The following HPSE2 variants were observed in gnomAD, a reference collection of about 807,000 sequenced individuals.
HPSE2 encodes inactive heparanase-2.
HPSE2 carries 38 observed loss-of-function variants against 60.5 expected under a neutral mutation model. The observed-to-expected ratio is 0.63, with a 90% CI of 0.48 to 0.82. The LOEUF is 0.82. Among genes scored for constraint, HPSE2 ranks in the 40% least tolerant of loss-of-function variants. The pLI is 0.00. For missense variants in HPSE2, 713 were observed against 740.4 expected, an observed-to-expected ratio of 0.96 and a Z score of 0.43; for synonymous variants, 295 against 293.2, an observed-to-expected ratio of 1.01 and a Z score of -0.06.
chr10:98,510,263 C>T (rs1942345588), intron 9 of HPSE2, among the ~76,000 whole-genome samples: 1 of 152,168 alleles, frequency 6.6e-6, no homozygotes, highest in African/African-American at 2.4e-5. Context: ...TTCAGAAGGC[C>T]AAGCCCCAGC....
intron 9 of HPSE2, among the ~76,000 whole-genome samples, chr10:98,600,509 G>A (rs1945366217): frequency 6.6e-6 from 1 of 151,986 alleles, no homozygotes; most frequent in African/African-American, 2.4e-5. Context: ...AGTACCTACT[G>A]TGTCTGAGGA....
intron 3 of HPSE2, among the ~76,000 whole-genome samples, chr10:98,807,412 C>T (rs1237317497): frequency 1.3e-5 from 2 of 152,200 alleles, no homozygotes; most frequent in Non-Finnish European, 2.9e-5. Flanking sequence ...CTTTAATTTT[C>T]ATCCAAATTG....
At chr10:98,737,087 C>T (rs1251118974) in intron 4 of HPSE2, among the ~76,000 whole-genome samples, 2 of 151,880 alleles carry the variant, frequency 1.3e-5, no homozygotes, top group African/African-American at 4.8e-5. Flanking sequence ...CCTCTTTTCC[C>T]CTCCTCTCCT....
At position 98,892,087 on chromosome 10, in the gene HPSE2, T is replaced by G. The variant is rs1953351356; in HGVS notation, c.611-148031A>C. 2.0e-5 allele frequency among the ~76,000 whole-genome samples: 3 copies of G among 152,136 alleles called. No homozygotes were observed. In the South Asian group the frequency reaches 6.2e-4, roughly 32 times the overall value. On this transcript the variant is annotated intron_variant, in intron 3 of 11. Transcript: ENST00000370552. ...TGCCTGGCCAGTTACATTCTTAAAC[T>G]GAGAGTATGGGGACATTATGTATAC...
chr10:98,715,285 A>C (rs10883174), intron 5 of HPSE2, among the ~76,000 whole-genome samples: 28,031 of 151,908 alleles, frequency 0.18, 3,002 homozygotes, highest in East Asian at 0.38. Context: ...AATTTCAGCA[A>C]GAATATATTT....
chr10:98,832,400 C>T (rs953653570), intron 3 of HPSE2, among the ~76,000 whole-genome samples: 1 of 152,102 alleles, frequency 6.6e-6, no homozygotes, highest in Non-Finnish European at 1.5e-5. Context: ...CGCTTGGGGT[C>T]TGGTTTCAAT....
chr10:98,671,470 G>A (rs938604428), intron 6 of HPSE2, among the ~76,000 whole-genome samples: 2 of 152,120 alleles, frequency 1.3e-5, no homozygotes, highest in Admixed American at 1.3e-4. Flanking sequence ...CTATAAAGGA[G>A]GATAATCTAA....
At chr10:98,985,456 C>A (rs894822098) in intron 3 of HPSE2, among the ~76,000 whole-genome samples, 1 of 152,134 alleles carries the variant, frequency 6.6e-6, no homozygotes, top group Non-Finnish European at 1.5e-5. Context: ...GATTTTGTCA[C>A]CACCAGGCCT....
chr10:98,965,035 AT>A (rs1465828033), intron 3 of HPSE2, among the ~76,000 whole-genome samples: 3 of 152,116 alleles, frequency 2.0e-5, no homozygotes, highest in African/African-American at 7.2e-5. Flanking sequence ...TTATTATCTC[AT>A]GCAGAGACTA....
chr10:98,541,576 G>C (rs1943461248), intron 9 of HPSE2, among the ~76,000 whole-genome samples: 1 of 152,192 alleles, frequency 6.6e-6, no homozygotes, highest in South Asian at 2.1e-4. Context: ...AAGGAAAGGG[G>C]TGACAGACGG....
intron 7 of HPSE2, among the ~76,000 whole-genome samples, chr10:98,626,950 T>C (rs1201220491): frequency 6.6e-6 from 1 of 152,076 alleles, no homozygotes; most frequent in Non-Finnish European, 1.5e-5. Flanking sequence ...ATTTTTTGTA[T>C]TTTTAGTAGA....
At position 98,643,277 on chromosome 10, in the gene HPSE2, C is replaced by T. The variant is rs549434129; in HGVS notation, c.1005-1337G>A. Among the ~76,000 whole-genome samples the T allele has an allele frequency of 2.2e-4, 34 of 152,312 alleles. 1 individual carries two copies. The South Asian group carries it at 7.0e-3, about 32-fold the overall frequency. On this transcript the variant is annotated intron_variant, in intron 6 of 11. Coordinates refer to ENST00000370552, the MANE Select transcript of HPSE2 (RefSeq NM_021828.5). ...TCTTAAATGGGGGATAATATATCTT[C>T]TCCTCAGGCTTGAGAATTAATGAGC...
intron 6 of HPSE2, among the ~76,000 whole-genome samples, chr10:98,656,746 A>C (rs1288711909): frequency 6.6e-6 from 1 of 151,574 alleles, no homozygotes. Context: ...ACAAGAGAAT[A>C]GAATCAGCTG....
intron 7 of HPSE2, among the ~76,000 whole-genome samples, chr10:98,620,973 A>ACTCTAGGAT (rs1946058888): frequency 6.6e-6 from 1 of 152,176 alleles, no homozygotes; most frequent in Non-Finnish European, 1.5e-5. Context: ...ACAAGTGCAT[A>ACTCTAGGAT]CTCTAGGATG....
At chr10:99,156,505 G>T (rs1477136041) in intron 2 of HPSE2, among the ~76,000 whole-genome samples, 2 of 130,706 alleles carry the variant, frequency 1.5e-5, no homozygotes, top group Non-Finnish European at 3.4e-5. Context: ...AAAACCACAT[G>T]ATTATCTCAA....
chr10:98,974,108 T>A (rs555448995), intron 3 of HPSE2, among the ~76,000 whole-genome samples: 2 of 151,782 alleles, frequency 1.3e-5, no homozygotes, highest in Admixed American at 1.3e-4. Flanking sequence ...CTGGCCAACA[T>A]GGAAAAACCC....
intron 4 of HPSE2, among the ~76,000 whole-genome samples, chr10:98,731,011 G>T (rs1949213673): frequency 6.6e-6 from 1 of 152,212 alleles, no homozygotes; most frequent in African/African-American, 2.4e-5. Flanking sequence ...GAGGCTGGGT[G>T]CAGTGGCTCA....
At chr10:98,971,339 A>G (rs188089570) in intron 3 of HPSE2, among the ~76,000 whole-genome samples, 35 of 152,312 alleles carry the variant, frequency 2.3e-4, no homozygotes, top group African/African-American at 8.4e-4. Flanking sequence ...TGCAGAGGAT[A>G]TAATTAATTC....
At position 99,232,392 on chromosome 10, in the gene HPSE2, C is replaced by A; in HGVS notation, c.404G>T (p.Arg135Leu). ...ATAGTAATCCGGGCCCGGGCCCCCGCGGCTTTTCGCCGGGTTCCTCAGGTT... is the reference window on the plus strand; with the variant it reads ...ATAGTAATCCGGGCCCGGGCCCCCGAGGCTTTTCGCCGGGTTCCTCAGGTT... ...FQNLRNPAKSRGGPGPDYYLK... is the reference protein window; with the variant it reads ...FQNLRNPAKSLGGPGPDYYLK... The change falls in exon 2 of 12, where the codon CGC (arginine) becomes CTC (leucine). Residue 135 changes from arginine (R) to leucine (L), a missense_variant. By Grantham distance (102) the Arg-to-Leu change is moderately radical. Transcript: ENST00000370552. The A allele has an allele frequency of 6.4e-7, 1 of 1,551,798 alleles. No individual in the cohort carries two copies. The highest frequency in any genetic ancestry group is 8.7e-7 in the Non-Finnish European group (1 of 1,147,124).
Sources: gnomAD v4.1 joint callset for allele counts (sites outside exome capture counted in the v4.1 genomes callset) on GRCh38, gnomAD v4.1.1 for gene constraint, MANE v1.5 for transcripts, NCBI Gene and HGNC (gene_info 2026-07-23, HGNC 2026-07-21) for gene names.